MOXD1: variants seen among roughly 807,000 people sequenced by gnomAD.
MOXD1 encodes the protein monooxygenase DBH like 1.
Under a neutral mutation model 66.6 loss-of-function variants are expected in MOXD1, and 62 were observed. The observed-to-expected ratio is 0.93, with a 90% CI of 0.76 to 1.15. The LOEUF (loss-of-function observed/expected upper bound fraction) is 1.15, where lower values mean the gene tolerates loss of function less well. Among genes scored for constraint, MOXD1 ranks in the 50% most tolerant of loss-of-function variants. The probability of loss-of-function intolerance (pLI) is 0.00; values close to 1 mark genes in which losing one functional copy is unlikely to be tolerated. For synonymous variants in MOXD1, 303 were observed against 281.9 expected, an observed-to-expected ratio of 1.07 and a Z score of -0.75; for missense variants, 847 against 754.6, an observed-to-expected ratio of 1.12 and a Z score of -1.44.
intron 1 of MOXD1, among the ~76,000 whole-genome samples, chr6:132,381,202 AG>A (rs1320038343): frequency 1.3e-5 from 2 of 152,240 alleles, no homozygotes; most frequent in Non-Finnish European, 2.9e-5. Context: ...AATCTAAATA[AG>A]GAGATAATTT....
chr6:132,395,159 A>C (rs1170534833), intron 1 of MOXD1, among the ~76,000 whole-genome samples: 1 of 152,112 alleles, frequency 6.6e-6, no homozygotes, highest in Non-Finnish European at 1.5e-5. Context: ...CAAGATGCTG[A>C]AAGGAAAAAA....
chr6:132,306,677 T>C (rs1330439797), intron 10 of MOXD1, among the ~76,000 whole-genome samples: 1 of 152,118 alleles, frequency 6.6e-6, no homozygotes, highest in Non-Finnish European at 1.5e-5. Flanking sequence ...GCAGAAACTC[T>C]ACAAGCCAGA....
In MOXD1 at chr6:132,389,094, A is replaced by G. The variant is rs759996459; in HGVS notation, c.264+12069T>C. On this transcript the variant is annotated intron_variant, in intron 1 of 11. Transcript: ENST00000367963. ...TGCTCTGTTGCCCAGGCTGGAGTGC[A>G]GTGGTGCAATCATAGCTCACTACAG... Among the ~76,000 whole-genome samples, 127 of 151,224 alleles carry G rather than the reference A, an allele frequency of 8.4e-4. 4 individuals carry two copies. Among genetic ancestry groups the G allele is most frequent in the Non-Finnish European group, 1.6e-3 (108 of 67,574 alleles).
In MOXD1 at chr6:132,297,332, A is replaced by G. The variant is rs1302136656; in HGVS notation, c.1678-15T>C. 10 of 1,611,128 alleles carry G rather than the reference A, an allele frequency of 6.2e-6. No homozygotes were observed. The highest frequency in any genetic ancestry group is 8.5e-6 in the Non-Finnish European group (10 of 1,178,324). The stretch of plus-strand genomic sequence containing the variant: ...ATTCCTTGAATCTGAAAATGGAAGC[A>G]CAAACAATGCAAATGAACATCTGAT... On this transcript the variant is annotated splice_polypyrimidine_tract_variant and intron_variant, in intron 11 of 11. Transcript: ENST00000367963.
At chr6:132,338,756 C>T (rs1775491004) in intron 4 of MOXD1, among the ~76,000 whole-genome samples, 1 of 152,152 alleles carries the variant, frequency 6.6e-6, no homozygotes, top group South Asian at 2.1e-4. Flanking sequence ...TTTTCTATCT[C>T]TATTTCTTTG....
chr6:132,384,280 TCCTTCCTTCCTCCTTCCTTCCTC>T (rs755969540), intron 1 of MOXD1, among the ~76,000 whole-genome samples: 15,479 of 111,824 alleles, frequency 0.14, 979 homozygotes, highest in East Asian at 0.29. Context: ...CTTCCTTCCT[TCCTTCCTTCCTCCTTCCTTCCTC>T]CCTCCCTCCC....
chr6:132,315,828 A>T, intron 9 of MOXD1, 51 bp from the exon 10 acceptor site: 2 of 1,565,962 alleles, frequency 1.3e-6, no homozygotes, highest in Non-Finnish European at 1.8e-6. Flanking sequence ...CAACTTTGAC[A>T]TTTAAAGCAC....
chr6:132,374,616 T>G lies in MOXD1; in HGVS notation c.411+15A>C, dbSNP rs767441250. 6.2e-7 allele frequency: 1 copy of G among 1,612,876 alleles called. No individual in the cohort carries two copies. The highest frequency in any genetic ancestry group is 1.7e-5 in the Admixed American group (1 of 59,986). ...ACAATTTGTTCATGCATGCATTCAC[T>G]CATAGATGCCTTACCGTTATACTCT... On this transcript the variant is annotated intron_variant, in intron 2 of 11. Coordinates refer to ENST00000367963, the MANE Select transcript of MOXD1 (RefSeq NM_015529.4).
Position 132,374,725 on chromosome 6 carries a change from T to C in MOXD1, c.317A>G (p.Tyr106Cys). Residue 106 changes from tyrosine to cysteine, a missense_variant, in exon 2 of 12, where the codon TAC (tyrosine) becomes TGC (cysteine). Coordinates refer to ENST00000367963, the MANE Select transcript of MOXD1 (RefSeq NM_015529.4). ...ATTTTCCATGGCATATTCTAGATGG[T>C]AATCTTGCTGAGCATCTTTTTTCAA... ...RELKKDAQQD[Y>C]HLEYAMENST... The C allele has an allele frequency of 6.2e-7, 1 of 1,613,958 alleles. No individual in the cohort carries two copies. The highest frequency in any genetic ancestry group is 8.5e-7 in the Non-Finnish European group (1 of 1,179,884).
chr6:132,372,892 T>C lies in MOXD1; in HGVS notation c.517A>G (p.Asn173Asp). The C allele has an allele frequency of 1.1e-5, 17 of 1,614,092 alleles. No homozygotes were observed. Among genetic ancestry groups the C allele is most frequent in the Non-Finnish European group, 1.4e-5 (17 of 1,179,962 alleles). Residue 173 changes from asparagine to aspartate, a missense_variant, in exon 3 of 12, where the codon AAT becomes GAT. Coordinates refer to ENST00000367963, the MANE Select transcript of MOXD1 (RefSeq NM_015529.4). ...GATAGCACACTAGTTTTCTCAGGAT[T>C]CAATAACCGCAAACTCTTGGTGCCC... ...NRGTKSLRLL[N>D]PEKTSVLSTA...
At chr6:132,399,280 C>T (rs1338286784) in intron 1 of MOXD1, among the ~76,000 whole-genome samples, 3 of 152,122 alleles carry the variant, frequency 2.0e-5, no homozygotes, top group South Asian at 2.1e-4. Context: ...AGTAAGAAAA[C>T]GATCATCCTT....
At chr6:132,308,279 G>T (rs952838104) in intron 10 of MOXD1, among the ~76,000 whole-genome samples, 4 of 151,906 alleles carry the variant, frequency 2.6e-5, no homozygotes, top group African/African-American at 9.7e-5. Flanking sequence ...GAAGAAATGG[G>T]TAAGTTCCTG....
chr6:132,385,982 A>C (rs1776624584), intron 1 of MOXD1, among the ~76,000 whole-genome samples: 1 of 150,926 alleles, frequency 6.6e-6, no homozygotes, highest in South Asian at 2.1e-4. Context: ...GGGCGCCTGT[A>C]GTCCCAGCTA....
At chr6:132,377,506 C>A (rs1314284074) in intron 1 of MOXD1, among the ~76,000 whole-genome samples, 6 of 152,308 alleles carry the variant, frequency 3.9e-5, no homozygotes, top group African/African-American at 1.4e-4. Context: ...TCCACTCATT[C>A]TATTTCCACT....
At chr6:132,328,253 A>G (rs1295295986) in intron 5 of MOXD1, 138 bp from the exon 6 acceptor site, 1 of 1,199,718 alleles carries the variant, frequency 8.3e-7, no homozygotes, top group Non-Finnish European at 1.2e-6. Flanking sequence ...ATAAAATAAA[A>G]ATGACTTAAA....
At chr6:132,325,514 T>C (rs1775168356) in intron 6 of MOXD1, among the ~76,000 whole-genome samples, 1 of 152,194 alleles carries the variant, frequency 6.6e-6, no homozygotes, top group African/African-American at 2.4e-5. Context: ...CCTTCCACCA[T>C]GTGAAGCCTA....
intron 1 of MOXD1, among the ~76,000 whole-genome samples, chr6:132,396,068 T>C (rs1776862125): frequency 6.6e-6 from 1 of 152,150 alleles, no homozygotes; most frequent in Non-Finnish European, 1.5e-5. Context: ...GAACATTTCA[T>C]CCAACAGCTA....
At chr6:132,305,050 G>A (rs762793125) in intron 10 of MOXD1, among the ~76,000 whole-genome samples, 44 of 152,210 alleles carry the variant, frequency 2.9e-4, no homozygotes, top group Non-Finnish European at 5.9e-5. Flanking sequence ...TGTCTAAGCT[G>A]TTTGAGCTCC....
At chr6:132,370,062 A>C (rs1776233676) in intron 4 of MOXD1, among the ~76,000 whole-genome samples, 1 of 152,126 alleles carries the variant, frequency 6.6e-6, no homozygotes, top group African/African-American at 2.4e-5. Context: ...AATATGATAT[A>C]AAATCAATCT....
Sources: allele counts gnomAD v4.1 joint callset (sites outside exome capture counted in the v4.1 genomes callset), GRCh38; gene constraint gnomAD v4.1.1; transcripts MANE v1.5; gene names NCBI Gene and HGNC (gene_info 2026-07-23, HGNC 2026-07-21).